USP25: variants seen among roughly 807,000 people sequenced by gnomAD.
USP25 encodes the protein ubiquitin carboxyl-terminal hydrolase 25.
USP25 carries 85 observed loss-of-function variants against 158.5 expected under a neutral mutation model. That is an observed-to-expected ratio of 0.54 (90% CI 0.45 to 0.64). The LOEUF (loss-of-function observed/expected upper bound fraction) is 0.64. Among genes scored for constraint, USP25 ranks in the 30% least tolerant of loss-of-function variants. The probability of loss-of-function intolerance (pLI) is 0.00; values close to 1 mark genes in which losing one functional copy is unlikely to be tolerated. For synonymous variants in USP25, 464 were observed against 460.4 expected (o/e 1.01, Z -0.10); for missense variants, 1,242 against 1,327.3 (o/e 0.94, Z 1.00).
chr21:15,824,089 T>G lies in USP25; in HGVS notation c.1131T>G (p.Phe377Leu). ...PPVLTFELSR[F>L]EFNQALGRPE... ...TGTTAACATTTGAATTGTCAAGATT[T>G]GAATTTAATCAGGCATTGGGAAGAC... The change falls in exon 11 of 26, where the codon TTT becomes TTG. Residue 377 changes from phenylalanine to leucine, a missense_variant. By Grantham distance (22) the Phe-to-Leu change is conservative (BLOSUM62 0). Coordinates refer to ENST00000400183, the MANE Select transcript of USP25 (RefSeq NM_001283041.3). The G allele has an allele frequency of 6.2e-7, 1 of 1,613,720 alleles. No individual in the cohort carries two copies. The highest frequency in any genetic ancestry group is 8.5e-7 in the Non-Finnish European group (1 of 1,179,830).
At chr21:15,804,907 A>G (rs147418545) in intron 6 of USP25, among the ~76,000 whole-genome samples, 7 of 152,270 alleles carry the variant, frequency 4.6e-5, no homozygotes, top group Non-Finnish European at 8.8e-5. Flanking sequence ...TTGTGAGCCT[A>G]TCCTAGGTCT....
At position 15,826,113 on chromosome 21, in the gene USP25, T is replaced by C; in HGVS notation, c.1305-91T>C. 1 of 1,312,160 alleles carries C rather than the reference T, an allele frequency of 7.6e-7. No individual in the cohort carries two copies. Among genetic ancestry groups the C allele is most frequent in the South Asian group, 1.5e-5 (1 of 66,546 alleles). 81.3% of individuals were successfully genotyped at this position (1,312,160 alleles called of 1,614,324 possible). On this transcript the variant is annotated intron_variant, in intron 12 of 25. Transcript: ENST00000400183. The surrounding 1 kb of genome is among the most constrained non-coding windows in gnomAD (Gnocchi z 4.8). ...AATTTTATTGCTGAGGAAGTTTTAT[T>C]GAAGTATCGTATCACGTTTTATAAT...
chr21:15,859,330 C>CT (rs949427643), intron 20 of USP25, among the ~76,000 whole-genome samples: 9 of 151,840 alleles, frequency 5.9e-5, no homozygotes, highest in African/African-American at 1.9e-4. Flanking sequence ...GTAGCTGGGA[C>CT]TACAGGCTCC....
chr21:15,872,754 A>G (rs1271302562), intron 23 of USP25, among the ~76,000 whole-genome samples: 1 of 152,208 alleles, frequency 6.6e-6, no homozygotes, highest in Non-Finnish European at 1.5e-5. Flanking sequence ...TTGATTTGCC[A>G]TGAATGTATA....
intron 1 of USP25, among the ~76,000 whole-genome samples, chr21:15,750,768 G>A (rs2032951147): frequency 6.6e-6 from 1 of 151,616 alleles, no homozygotes; most frequent in Admixed American, 6.6e-5. Flanking sequence ...CACCACGTCC[G>A]GCTAATTTTT....
rs771863867 is a variant in USP25, at chr21:15,863,336, TATC to T, written c.2548-929_2548-927del. Among the ~76,000 whole-genome samples the T allele has an allele frequency of 8.5e-5, 13 of 152,302 alleles. No individual in the cohort carries two copies. In the South Asian group the frequency reaches 1.0e-3, roughly 12 times the overall value. On this transcript the variant is annotated intron_variant, in intron 20 of 25. Coordinates refer to ENST00000400183, the MANE Select transcript of USP25 (RefSeq NM_001283041.3). ...TAAGGTAATAATAGTGATAATATAT[TATC>T]ATTATTATTCTTACATTAATAAAAT...
intron 14 of USP25, among the ~76,000 whole-genome samples, chr21:15,828,424 G>A (rs779213706): frequency 3.9e-5 from 6 of 152,288 alleles, no homozygotes; most frequent in Non-Finnish European, 7.4e-5. Context: ...GAGGGAAGAA[G>A]TGAATGTACT....
Position 15,874,451 on chromosome 21 carries a change from A to T in USP25, c.2934A>T (p.Lys978Asn), listed in dbSNP as rs1439575453. ...LFLICAYQNN[K>N]ELLSKGLYRG... Reference sequence around the variant, plus strand: ...TCATCTGTGCTTATCAGAATAACAAAGAACTCTTGTCTAAAGGCTTATACA... The same window carrying T: ...TCATCTGTGCTTATCAGAATAACAATGAACTCTTGTCTAAAGGCTTATACA... Residue 978 changes from lysine (K) to asparagine (N), a missense_variant, in exon 24 of 26, where the codon AAA becomes AAT. Lys to Asn is a moderately conservative substitution (Grantham distance 94, BLOSUM62 0). Transcript: ENST00000400183. 1.5e-5 allele frequency: 24 copies of T among 1,611,362 alleles called. No homozygotes were observed. Among genetic ancestry groups the T allele is most frequent in the Non-Finnish European group, 2.0e-5 (24 of 1,178,616 alleles).
intron 1 of USP25, among the ~76,000 whole-genome samples, chr21:15,747,792 T>G (rs914647791): frequency 6.6e-6 from 1 of 152,176 alleles, no homozygotes; most frequent in Non-Finnish European, 1.5e-5. Flanking sequence ...AAACATCGTT[T>G]CTGGAACTTT....
At chr21:15,774,873 T>A (rs747941575) in intron 3 of USP25, among the ~76,000 whole-genome samples, 48 of 152,234 alleles carry the variant, frequency 3.2e-4, no homozygotes, top group Non-Finnish European at 6.2e-4. Flanking sequence ...TGCAGCAGTT[T>A]TATTCAATAT....
chr21:15,814,197 T>C (rs1335080940), intron 9 of USP25, among the ~76,000 whole-genome samples: 2 of 150,428 alleles, frequency 1.3e-5, no homozygotes, highest in Admixed American at 6.6e-5. Context: ...CTCTTGCTGC[T>C]GCCATGTAAG....
chr21:15,763,414 T>C (rs890605673), intron 2 of USP25, among the ~76,000 whole-genome samples: 1 of 152,164 alleles, frequency 6.6e-6, no homozygotes, highest in Non-Finnish European at 1.5e-5. Context: ...TTTGCACCCA[T>C]TCAGCTAATT....
chr21:15,794,548 G>GTA (rs1165025126), intron 5 of USP25, among the ~76,000 whole-genome samples: 1 of 151,544 alleles, frequency 6.6e-6, no homozygotes, highest in African/African-American at 2.4e-5. Flanking sequence ...CGTTGAAGTG[G>GTA]TATGGGTGCT....
Position 15,824,294 on chromosome 21 carries a change from A to G in USP25, c.1208+128A>G, listed in dbSNP as rs115328359. ...ACTTTTGCATAATATACCTAATACC[A>G]TTTGTCAAGGTAGATGAAATTTACT... is the stretch of plus-strand genomic sequence containing the variant. On this transcript the variant is annotated intron_variant, in intron 11 of 25. Coordinates refer to ENST00000400183, the MANE Select transcript of USP25 (RefSeq NM_001283041.3). 2,644 of 1,052,622 alleles carry G rather than the reference A, an allele frequency of 2.5e-3. 54 individuals are homozygous for G. The African/African-American group carries it at 0.04, about 16-fold the overall frequency. The allele number at this position is 1,052,622 out of a possible 1,614,324, so 65.2% of individuals were successfully genotyped here.
chr21:15,794,069 A>G (rs543436780), intron 5 of USP25, among the ~76,000 whole-genome samples: 2 of 151,588 alleles, frequency 1.3e-5, no homozygotes, highest in Non-Finnish European at 3.0e-5. Flanking sequence ...TTGATTACAA[A>G]ATTTTCTCGG....
intron 3 of USP25, among the ~76,000 whole-genome samples, chr21:15,771,011 T>C (rs995548068): frequency 6.6e-6 from 1 of 152,218 alleles, no homozygotes; most frequent in East Asian, 1.9e-4. Flanking sequence ...AAAAGATATG[T>C]TCTCATCTTC....
At chr21:15,800,503 G>T (rs932412489) in intron 6 of USP25, among the ~76,000 whole-genome samples, 5 of 149,992 alleles carry the variant, frequency 3.3e-5, no homozygotes, top group Non-Finnish European at 5.9e-5. Context: ...AGTACTAGGT[G>T]TCAGCTATTG....
chr21:15,813,768 GTTT>G (rs1219090394), intron 9 of USP25, among the ~76,000 whole-genome samples: 1 of 151,074 alleles, frequency 6.6e-6, no homozygotes, highest in Non-Finnish European at 1.5e-5. Context: ...AGAGGAGTTA[GTTT>G]CAACTGATTA....
chr21:15,752,858 C>A (rs1213043451), intron 1 of USP25, among the ~76,000 whole-genome samples: 1 of 152,130 alleles, frequency 6.6e-6, no homozygotes, highest in African/African-American at 2.4e-5. Context: ...TGCTAAAGTG[C>A]TGTTAATCCA....
Sources: allele counts gnomAD v4.1 joint callset (sites outside exome capture counted in the v4.1 genomes callset), GRCh38; gene constraint gnomAD v4.1.1; non-coding constraint Gnocchi (gnomAD v3.1); transcripts MANE v1.5; gene names NCBI Gene and HGNC (gene_info 2026-07-23, HGNC 2026-07-21).